Variants in GGA2 observed in about 807,000 individuals in gnomAD.
The protein encoded by GGA2 is ADP-ribosylation factor-binding protein GGA2.
A neutral mutation model predicts 79.5 loss-of-function variants in GGA2; 48 were observed. That is an observed-to-expected ratio of 0.60 (90% CI 0.48 to 0.77). The LOEUF is 0.77. Among genes scored for constraint, GGA2 ranks in the 30% least tolerant of loss-of-function variants. The pLI is 0.00. For missense variants in GGA2, 770 were observed against 774.0 expected, an observed-to-expected ratio of 0.99 and a Z score of 0.06; for synonymous variants, 317 against 302.0, an observed-to-expected ratio of 1.05 and a Z score of -0.51.
chr16:23,475,351 G>A (rs966574673), intron 13 of GGA2, among the ~76,000 whole-genome samples: 4 of 151,406 alleles, frequency 2.6e-5, no homozygotes, highest in Admixed American at 6.6e-5. Context: ...CACCATGTCC[G>A]ACTAATTTTT....
At chr16:23,481,239 G>A (rs923379722) in intron 9 of GGA2, among the ~76,000 whole-genome samples, 1 of 152,124 alleles carries the variant, frequency 6.6e-6, no homozygotes, top group African/African-American at 2.4e-5. Flanking sequence ...AATCAGCCGT[G>A]GCAGGTGCCT....
At chr16:23,485,931 T>C in intron 8 of GGA2, 84 bp downstream of exon 8, 2 of 1,249,292 alleles carry the variant, frequency 1.6e-6, no homozygotes. Flanking sequence ...GACTCTGAGA[T>C]GGCTTCATGG....
At position 23,467,073 on chromosome 16, in the gene GGA2, G is replaced by C. The variant is rs1964446215; in HGVS notation, c.*517C>G. The C allele has an allele frequency of 6.4e-6, 1 of 155,162 alleles. No homozygotes were observed. The highest frequency in any genetic ancestry group is 1.4e-5 in the Non-Finnish European group (1 of 69,708). 9.6% of individuals were successfully genotyped at this position (155,162 alleles called of 1,614,324 possible). ...ATTGTCTAATGAAAATGGAGACAAG[G>C]TCTTTCTTGGAAGAGAGTGCCCAAG... On this transcript the variant is annotated 3_prime_UTR_variant, in exon 17 of 17. Transcript: ENST00000309859.
At chr16:23,486,630 C>G in intron 7 of GGA2, 80 bp downstream of exon 7, 1 of 864,860 alleles carries the variant, frequency 1.2e-6, no homozygotes, top group Non-Finnish European at 2.0e-6. Flanking sequence ...TCCTCTACCC[C>G]TCAAGCATAG....
chr16:23,480,540 CTCATTTCTATTCCTTAACCCAGAATA>C, intron 10 of GGA2, 79 bp downstream of exon 10: 1 of 974,510 alleles, frequency 1.0e-6, no homozygotes, highest in South Asian at 1.8e-5. Flanking sequence ...GGCGAGTTCT[CTCATTTCTATTCCTTAACCCAGAATA>C]TGTTTAGGAC....
At chr16:23,473,330 C>CTTTTTTTTTTTTT (rs34972165) in intron 14 of GGA2, among the ~76,000 whole-genome samples, 5 of 70,692 alleles carry the variant, frequency 7.1e-5, no homozygotes, top group East Asian at 5.6e-4. Context: ...CTTTTCTAGT[C>CTTTTTTTTTTTTT]TTTTTTTTTT....
At chr16:23,473,048 AGACTGAATAAAC>A (rs1964532721) in intron 14 of GGA2, among the ~76,000 whole-genome samples, 1 of 150,986 alleles carries the variant, frequency 6.6e-6, no homozygotes, top group Non-Finnish European at 1.5e-5. Flanking sequence ...AAAAAAAAAA[AGACTGAATAAAC>A]AGATTACAGT....
At chr16:23,495,563 T>C in intron 2 of GGA2, 131 bp downstream of exon 2, 3 of 471,694 alleles carry the variant, frequency 6.4e-6, no homozygotes, top group Non-Finnish European at 1.1e-5. Flanking sequence ...TCCCAAACTG[T>C]TGGGATTATA....
At position 23,478,427 on chromosome 16, in the gene GGA2, G is replaced by T. The variant is rs1458242630; in HGVS notation, c.1233C>A (p.Asn411Lys). The T allele has an allele frequency of 6.2e-7, 1 of 1,612,038 alleles. No individual in the cohort carries two copies. The highest frequency in any genetic ancestry group is 8.5e-7 in the Non-Finnish European group (1 of 1,178,496). ...CCAGCAAATTCCTGTCTGCAGAAGG[G>T]TTCTGAACACCACCGCCTGGCAGCG... ...SSTLPGGGVQ[N>K]PSADRNLLDL... Residue 411 changes from asparagine (N) to lysine (K), a missense_variant, in exon 13 of 17, where the codon AAC becomes AAA. Transcript: ENST00000309859.
chr16:23,510,499 C>A (rs1420756991), upstream of GGA2: 2 of 488,716 alleles, frequency 4.1e-6, no homozygotes, highest in East Asian at 3.7e-5. Context: ...GACTGCGCGG[C>A]AGGAGCGGTG....
At chr16:23,505,765 G>A (rs1051154568) in intron 1 of GGA2, among the ~76,000 whole-genome samples, 61 of 139,566 alleles carry the variant, frequency 4.4e-4, no homozygotes, top group African/African-American at 8.5e-4. Flanking sequence ...TAAAACCCAA[G>A]CCAACAGGCG....
chr16:23,489,567 C>A (rs1398877124), intron 5 of GGA2, among the ~76,000 whole-genome samples: 1 of 152,048 alleles, frequency 6.6e-6, no homozygotes, highest in African/African-American at 2.4e-5. Context: ...CATCAGAGAG[C>A]CCAGATCACA....
upstream of GGA2, among the ~76,000 whole-genome samples, chr16:23,513,056 C>G (rs1457892989): frequency 6.6e-6 from 1 of 152,122 alleles, no homozygotes; most frequent in Non-Finnish European, 1.5e-5. Context: ...GAACATCTGG[C>G]AACACTGGAC....
intron 2 of GGA2, among the ~76,000 whole-genome samples, chr16:23,516,890 A>C (rs895255316): frequency 2.6e-5 from 4 of 152,130 alleles, no homozygotes; most frequent in African/African-American, 9.7e-5. Flanking sequence ...AGCTGACATG[A>C]AGGAGGAAGT....
At position 23,493,409 on chromosome 16, in the gene GGA2, A is replaced by C; in HGVS notation, c.302T>G (p.Val101Gly). The change falls in exon 4 of 17, where the codon GTG (valine) becomes GGG (glycine). Residue 101 changes from valine (V) to glycine (G), a missense_variant. Transcript: ENST00000309859. The stretch of plus-strand genomic sequence containing the variant: ...TTCGTTCAGGAAACGAAATTTGGCC[A>C]CCTCGCTGTGGAACTTCTCCCCACA... Reference protein sequence around the residue: ...NHCGEKFHSEVAKFRFLNELI... With the variant: ...NHCGEKFHSEGAKFRFLNELI... 1 of 1,613,196 alleles carries C rather than the reference A, an allele frequency of 6.2e-7. No homozygotes were observed. The highest frequency in any genetic ancestry group is 8.5e-7 in the Non-Finnish European group (1 of 1,179,206).
intron 1 of GGA2, chr16:23,501,591 T>C (rs1964922700): frequency 3.3e-6 from 1 of 300,180 alleles, no homozygotes; most frequent in Non-Finnish European, 6.6e-6. Context: ...TACAAAGACT[T>C]GCATCAACAT....
chr16:23,494,806 GCA>G (rs1555500403), intron 2 of GGA2, among the ~76,000 whole-genome samples: 4 of 152,258 alleles, frequency 2.6e-5, no homozygotes, highest in Non-Finnish European at 5.9e-5. Context: ...GATGGGCCAG[GCA>G]CAGTGGCTCA....
Position 23,474,775 on chromosome 16 carries a change from A to G in GGA2, c.1450+129T>C, listed in dbSNP as rs1964555655. On this transcript the variant is annotated intron_variant, in intron 14 of 16. Transcript: ENST00000309859. The stretch of plus-strand genomic sequence containing the variant: ...CCACAACCTCTTACTTTCTGCCCTC[A>G]TGCAAAATCTCTCCCATTTATCAAC... 1.1e-5 allele frequency: 8 copies of G among 728,348 alleles called. No individual in the cohort carries two copies. In the East Asian group the frequency reaches 2.0e-4, roughly 19 times the overall value. 45.1% of individuals were successfully genotyped at this position (728,348 alleles called of 1,614,324 possible).
intron 2 of GGA2, among the ~76,000 whole-genome samples, chr16:23,516,954 C>T (rs1167893419): frequency 2.0e-5 from 3 of 150,750 alleles, no homozygotes; most frequent in South Asian, 4.2e-4. Flanking sequence ...GATGCTGTGG[C>T]CAGGAGGGTG....
Sources: allele counts gnomAD v4.1 joint callset (sites outside exome capture counted in the v4.1 genomes callset), GRCh38; gene constraint gnomAD v4.1.1; transcripts MANE v1.5; gene names NCBI Gene and HGNC (gene_info 2026-07-23, HGNC 2026-07-21).